Variants in TECRL observed in about 807,000 individuals in gnomAD.
TECRL encodes trans-2,3-enoyl-CoA reductase like, also known as trans-2,3-enoyl-CoA reductase-like.
In TECRL, 63 loss-of-function variants were observed where a neutral mutation model predicts 52.8. That is an observed-to-expected ratio of 1.19 (90% CI 0.97 to 1.47). TECRL has a LOEUF of 1.47. TECRL is among the 40% of genes most tolerant of loss of function. The pLI is 0.00. For missense variants in TECRL, 482 were observed against 429.6 expected (o/e 1.12, Z -1.08); for synonymous variants, 164 against 141.9 (o/e 1.16, Z -1.10).
chr4:64,277,001 G>A (rs1165000570), downstream of TECRL: 1 of 1,461,620 alleles, frequency 6.8e-7, no homozygotes, highest in Non-Finnish European at 9.2e-7. Flanking sequence ...ACAACAAGAT[G>A]GTGTAAATTT....
At chr4:64,404,889 C>A (rs1455231081) in intron 1 of TECRL, among the ~76,000 whole-genome samples, 2 of 152,060 alleles carry the variant, frequency 1.3e-5, no homozygotes, top group Admixed American at 1.3e-4. Flanking sequence ...CACTACTGAA[C>A]ATGAATGCTG....
At chr4:64,313,009 C>A (rs574024824) in intron 5 of TECRL, among the ~76,000 whole-genome samples, 1 of 152,242 alleles carries the variant, frequency 6.6e-6, no homozygotes, top group East Asian at 1.9e-4. Flanking sequence ...GAGGCCTCCC[C>A]AGCCTTGCGG....
rs753030969 is a variant in TECRL, at chr4:64,375,197, A to G, written c.261T>C (p.Asp87=). The change falls in exon 2 of 12, where the codon GAT becomes GAC. Residue 87 remains aspartate, a synonymous_variant. Transcript: ENST00000381210. ...ATGCTTTGTGAAACTTTTGCTTAACATCATGAATAGTAGATGATTGTGTCA... is the reference window on the plus strand; with the variant it reads ...ATGCTTTGTGAAACTTTTGCTTAACGTCATGAATAGTAGATGATTGTGTCA... ...DKVTQSSTIH[D]VKQKFHKACP... The G allele has an allele frequency of 2.1e-6, 3 of 1,403,634 alleles. No individual in the cohort carries two copies. Among genetic ancestry groups the G allele is most frequent in the Admixed American group, 5.6e-5 (2 of 35,806 alleles). 86.9% of individuals were successfully genotyped at this position (1,403,634 alleles called of 1,614,324 possible).
intron 4 of TECRL, among the ~76,000 whole-genome samples, chr4:64,317,923 A>G (rs1056054992): frequency 6.6e-6 from 1 of 152,184 alleles, no homozygotes; most frequent in African/African-American, 2.4e-5. Flanking sequence ...GGGCCTGGGA[A>G]TAAAAAAACA....
At chr4:64,346,714 G>T (rs1179212041) in intron 2 of TECRL, among the ~76,000 whole-genome samples, 1 of 152,228 alleles carries the variant, frequency 6.6e-6, no homozygotes, top group Non-Finnish European at 1.5e-5. Flanking sequence ...CTGCTGTGAA[G>T]GTCTCTGAGG....
At position 64,382,052 on chromosome 4, in the gene TECRL, A is replaced by G. The variant is rs76678729; in HGVS notation, c.235-6829T>C. On this transcript the variant is annotated intron_variant, in intron 1 of 11. Transcript: ENST00000381210. ...CAAGTTTGATGGAATTCACCAGTAT[A>G]GCAACTCAGTGCTGGGCTTTTCTTT... is the stretch of plus-strand genomic sequence containing the variant. Among the ~76,000 whole-genome samples the G allele has an allele frequency of 6.2e-3, 935 of 151,804 alleles. 3 individuals are homozygous for G. The highest frequency in any genetic ancestry group is 0.021 in the African/African-American group (887 of 41,382).
chr4:64,345,112 C>T (rs1015122260), intron 2 of TECRL, among the ~76,000 whole-genome samples: 1 of 152,144 alleles, frequency 6.6e-6, no homozygotes, highest in Non-Finnish European at 1.5e-5. Flanking sequence ...GTTGGTGGGA[C>T]TGTAAACTAG....
At chr4:64,277,367 T>C (rs1722608737), downstream of TECRL, among the ~76,000 whole-genome samples, 1 of 151,970 alleles carries the variant, frequency 6.6e-6, no homozygotes, top group Admixed American at 6.6e-5. Flanking sequence ...GTTGATCATA[T>C]AGCTGCATTA....
At position 64,325,129 on chromosome 4, in the gene TECRL, A is replaced by C. The variant is rs78455657; in HGVS notation, c.332-2337T>G. 5.9e-3 allele frequency among the ~76,000 whole-genome samples: 893 copies of C among 152,288 alleles called. 16 individuals carry two copies. The highest frequency in any genetic ancestry group is 0.021 in the African/African-American group (861 of 41,558). On this transcript the variant is annotated intron_variant, in intron 3 of 11. Coordinates refer to ENST00000381210, the MANE Select transcript of TECRL (RefSeq NM_001010874.5). ...TGGAGAAGGTCAACGTCAAGGATAC[A>C]GGTGGCCTTTGAGAAAAGACAGCCA...
chr4:64,302,319 T>G (rs1174512139), intron 7 of TECRL, among the ~76,000 whole-genome samples: 3 of 151,368 alleles, frequency 2.0e-5, no homozygotes. Context: ...TGGTGAAAAT[T>G]GTGATAAAAG....
chr4:64,297,172 T>C (rs2109966147), intron 8 of TECRL, among the ~76,000 whole-genome samples: 1 of 151,524 alleles, frequency 6.6e-6, no homozygotes, highest in South Asian at 2.1e-4. Context: ...AAACTCAGAA[T>C]AGTAGTAGAA....
Position 64,359,146 on chromosome 4 carries a change from A to G in TECRL, c.286+16026T>C, listed in dbSNP as rs1263881325. On this transcript the variant is annotated intron_variant, in intron 2 of 11. Coordinates refer to ENST00000381210, the MANE Select transcript of TECRL (RefSeq NM_001010874.5). ...TTTTTATATTACTCCTCATACACTA[A>G]TCCTGTTAATGCATGCAATTAAATC... Among the ~76,000 whole-genome samples the G allele has an allele frequency of 2.0e-5, 3 of 151,948 alleles. No individual in the cohort carries two copies. In the East Asian group the frequency reaches 5.8e-4, roughly 29 times the overall value.
intron 2 of TECRL, among the ~76,000 whole-genome samples, chr4:64,346,572 A>G (rs1720002530): frequency 6.6e-6 from 1 of 152,230 alleles, no homozygotes; most frequent in Non-Finnish European, 1.5e-5. Flanking sequence ...GGCCCCTTTT[A>G]GTGATGACTG....
chr4:64,404,220 CAA>C (rs74418503), intron 1 of TECRL, among the ~76,000 whole-genome samples: 5,824 of 115,878 alleles, frequency 0.05, 115 homozygotes, highest in Non-Finnish European at 0.06. Flanking sequence ...AGAGTTTTAC[CAA>C]AAAAAAAAAA....
intron 1 of TECRL, among the ~76,000 whole-genome samples, chr4:64,397,377 A>C (rs2109767511): frequency 6.6e-6 from 1 of 152,066 alleles, no homozygotes; most frequent in African/African-American, 2.4e-5. Context: ...ACATTTATTA[A>C]GTTTTGATAC....
intron 4 of TECRL, among the ~76,000 whole-genome samples, chr4:64,319,089 T>G (rs1717707405): frequency 6.6e-6 from 1 of 151,892 alleles, no homozygotes; most frequent in Admixed American, 6.6e-5. Context: ...TATTAGCATT[T>G]AATATCTCAA....
At chr4:64,363,166 C>T (rs552607723) in intron 2 of TECRL, among the ~76,000 whole-genome samples, 8 of 152,226 alleles carry the variant, frequency 5.3e-5, no homozygotes, top group African/African-American at 1.9e-4. Flanking sequence ...TCACCCAACA[C>T]TGTAAATACC....
intron 8 of TECRL, among the ~76,000 whole-genome samples, chr4:64,294,925 T>C (rs1039847858): frequency 2.6e-5 from 4 of 152,038 alleles, no homozygotes; most frequent in African/African-American, 7.2e-5. Flanking sequence ...CTTTAATAGA[T>C]AATGCATATC....
intron 9 of TECRL, among the ~76,000 whole-genome samples, chr4:64,288,681 A>G (rs1338285105): frequency 6.6e-6 from 1 of 152,138 alleles, no homozygotes; most frequent in African/African-American, 2.4e-5. Flanking sequence ...CCTCCCAAAA[A>G]AAGGTCATGG....
Sources: allele counts gnomAD v4.1 joint callset (sites outside exome capture counted in the v4.1 genomes callset), GRCh38; gene constraint gnomAD v4.1.1; transcripts MANE v1.5; gene names NCBI Gene and HGNC (gene_info 2026-07-23, HGNC 2026-07-21).